Variants in AQP5 observed in about 807,000 individuals in gnomAD.
AQP5 encodes the protein aquaporin 5, also known as aquaporin-5.
A neutral mutation model predicts 19.1 loss-of-function variants in AQP5; 15 were observed. The ratio of observed to expected loss-of-function variants is 0.79; its 90% CI spans 0.53 to 1.21. The LOEUF is 1.21. AQP5 is among the 50% of genes most tolerant of loss of function. The pLI, the probability that AQP5 is intolerant of heterozygous loss-of-function variation, is 0.00. For missense variants in AQP5, 355 were observed against 357.1 expected, an observed-to-expected ratio of 0.99 and a Z score of 0.05; for synonymous variants, 182 against 160.3, an observed-to-expected ratio of 1.14 and a Z score of -1.02.
At chr12:49,963,880 A>G (rs79182494) in intron 2 of AQP5, 1 of 779,924 alleles carries the variant, frequency 1.3e-6, no homozygotes, top group African/African-American at 1.7e-5. Flanking sequence ...TGGGACAGGA[A>G]TCAAACCCAA....
intron 3 of AQP5, 65 bp downstream of exon 3, chr12:49,964,240 A>C: frequency 5.3e-6 from 8 of 1,511,868 alleles, no homozygotes; most frequent in South Asian, 1.1e-5. Flanking sequence ...GTGGCAGCTC[A>C]GAGCTCACCA....
At chr12:49,963,143 G>A (rs147609659) in intron 1 of AQP5, among the ~76,000 whole-genome samples, 25 of 152,370 alleles carry the variant, frequency 1.6e-4, no homozygotes, top group African/African-American at 6.0e-4. Context: ...ACGGGCAGGA[G>A]GCCGGGATGG....
At position 49,961,975 on chromosome 12, in the gene AQP5, C is replaced by A. The variant is rs747010546; in HGVS notation, c.-43C>A. The A allele has an allele frequency of 4.6e-5, 60 of 1,292,380 alleles. No homozygotes were observed. The highest frequency in any genetic ancestry group is 5.6e-5 in the Non-Finnish European group (57 of 1,011,442). The allele number at this position is 1,292,380 out of a possible 1,614,324, so 80.1% of individuals were successfully genotyped here. A position where few individuals can be genotyped will look rare whatever the true frequency, so the allele number is the denominator to read the frequency against. On this transcript the variant is annotated 5_prime_UTR_variant, in exon 1 of 4. Transcript: ENST00000293599. ...CCTCCGCCGCCTGCGACCCAACGGG[C>A]GCCCCCCGCCGCGGCAGCTGCCGCC...
intron 1 of AQP5, among the ~76,000 whole-genome samples, chr12:49,963,217 G>A (rs1029668726): frequency 6.6e-6 from 1 of 152,252 alleles, no homozygotes; most frequent in Non-Finnish European, 1.5e-5. Flanking sequence ...GCTTATGGGG[G>A]CTGGGGGTTG....
chr12:49,962,015 A>C lies in AQP5; in HGVS notation c.-3A>C. On this transcript the variant is annotated 5_prime_UTR_variant, in exon 1 of 4. Transcript: ENST00000293599. ...CAGCTGCCGCCGGGCCCCCGCGGCC[A>C]CCATGAAGAAGGAGGTGTGCTCCGT... is the stretch of plus-strand genomic sequence containing the variant. 2.8e-6 allele frequency: 4 copies of C among 1,408,124 alleles called. No individual in the cohort carries two copies. Among genetic ancestry groups the C allele is most frequent in the Non-Finnish European group, 3.7e-6 (4 of 1,072,950 alleles). The allele number at this position is 1,408,124 out of a possible 1,614,324, so 87.2% of individuals were successfully genotyped here. A position where few individuals can be genotyped will look rare whatever the true frequency, so the allele number is the denominator to read the frequency against.
chr12:49,963,729 G>T (rs775537321), intron 2 of AQP5, 73 bp downstream of exon 2: 6 of 1,541,638 alleles, frequency 3.9e-6, no homozygotes, highest in Middle Eastern at 1.9e-4. Flanking sequence ...GCCCTGGAGC[G>T]GAGCCCACTT....
Position 49,962,308 on chromosome 12 carries a change from C to T in AQP5, c.291C>T (p.Gly97=). The T allele has an allele frequency of 1.9e-6, 3 of 1,607,306 alleles. No individual in the cohort carries two copies. Among genetic ancestry groups the T allele is most frequent in the Non-Finnish European group, 2.5e-6 (3 of 1,179,838 alleles). ...TCTACGTGGCGGCCCAGCTGGTGGGCGCCATTGCCGGGGCTGGCATCCTCT... is the reference window on the plus strand; with the variant it reads ...TCTACGTGGCGGCCCAGCTGGTGGGTGCCATTGCCGGGGCTGGCATCCTCT... ...AFFYVAAQLV[G]AIAGAGILYG... Residue 97 remains glycine, a synonymous_variant, in exon 1 of 4, where the codon GGC becomes GGT. Coordinates refer to ENST00000293599, the MANE Select transcript of AQP5 (RefSeq NM_001651.4).
chr12:49,963,990 C>A (rs1947458514), intron 2 of AQP5, 102 bp from the exon 3 acceptor site: 3 of 1,233,402 alleles, frequency 2.4e-6, no homozygotes, highest in South Asian at 1.3e-5. Flanking sequence ...AGTTTGAGAC[C>A]TGGCTGAGCC....
rs768190786 is a variant in AQP5 at position 49,965,192 on chromosome 12, G to A, written c.*15G>A. ...CCACCCGCTGACCAGTGTCAGGCAG[G>A]GGCCAGCCCCTCAGCCCCTGAGCCA... On this transcript the variant is annotated 3_prime_UTR_variant, in exon 4 of 4. Coordinates refer to ENST00000293599, the MANE Select transcript of AQP5 (RefSeq NM_001651.4). 6.3e-7 allele frequency: 1 copy of A among 1,590,864 alleles called. No individual in the cohort carries two copies. The highest frequency in any genetic ancestry group is 1.8e-5 in the Admixed American group (1 of 56,198).
Position 49,962,227 on chromosome 12 carries a change from C to A in AQP5, c.210C>A (p.Pro70=). Residue 70 remains proline, a synonymous_variant, in exon 1 of 4, where the codon CCC becomes CCA. Coordinates refer to ENST00000293599, the MANE Select transcript of AQP5 (RefSeq NM_001651.4). ...CCGTGAGCGGCGGCCACATCAACCCCGCCATCACCCTGGCCCTCTTGGTGG... is the reference window on the plus strand; with the variant it reads ...CCGTGAGCGGCGGCCACATCAACCCAGCCATCACCCTGGCCCTCTTGGTGG... ...LGPVSGGHIN[P]AITLALLVGN... 1 of 1,606,606 alleles carries A rather than the reference C, an allele frequency of 6.2e-7. No individual in the cohort carries two copies. The highest frequency in any genetic ancestry group is 8.5e-7 in the Non-Finnish European group (1 of 1,179,846).
At chr12:49,963,359 C>A in intron 1 of AQP5, 133 bp from the exon 2 acceptor site, 1 of 1,200,574 alleles carries the variant, frequency 8.3e-7, no homozygotes, top group Non-Finnish European at 1.2e-6. Context: ...TTCGCTGGGG[C>A]GATGTCCACA....
At chr12:49,963,818 TC>T (rs148689555) in intron 2 of AQP5, 162 bp downstream of exon 2, 2 of 1,099,460 alleles carry the variant, frequency 1.8e-6, no homozygotes, top group African/African-American at 1.6e-5. Context: ...CCAGAATTGA[TC>T]CCCCCAAAAC....
Position 49,963,494 on chromosome 12 carries a change from C to T in AQP5, c.366C>T (p.Leu122=), listed in dbSNP as rs767551138. Residue 122 remains leucine, a splice_region_variant and synonymous_variant, in exon 2 of 4, where the codon CTC becomes CTT. Transcript: ENST00000293599. The stretch of plus-strand genomic sequence containing the variant: ...CCTAACCCGCTATCCCCTTGCAGCT[C>T]AACAACAACACAACGCAGGGCCAGG... ...NARGNLAVNA[L]NNNTTQGQAM... is the part of the protein sequence containing the mutation. 1.4e-5 allele frequency: 23 copies of T among 1,613,538 alleles called. No individual in the cohort carries two copies. Among genetic ancestry groups the T allele is most frequent in the Non-Finnish European group, 1.9e-5 (23 of 1,179,896 alleles).
At position 49,962,338 on chromosome 12, in the gene AQP5, T is replaced by A; in HGVS notation, c.321T>A (p.Gly107=). Residue 107 remains glycine, a synonymous_variant, in exon 1 of 4, where the codon GGT becomes GGA. Transcript: ENST00000293599. Reference sequence around the variant, plus strand: ...TTGCCGGGGCTGGCATCCTCTACGGTGTGGCACCGCTCAATGCCCGGGGCA... The same window carrying A: ...TTGCCGGGGCTGGCATCCTCTACGGAGTGGCACCGCTCAATGCCCGGGGCA... ...GAIAGAGILY[G]VAPLNARGNL... The A allele has an allele frequency of 6.2e-7, 1 of 1,600,990 alleles. No individual in the cohort carries two copies. The highest frequency in any genetic ancestry group is 8.5e-7 in the Non-Finnish European group (1 of 1,179,150).
chr12:49,964,698 C>T (rs1253318743), intron 3 of AQP5: 20 of 985,212 alleles, frequency 2.0e-5, no homozygotes, highest in Non-Finnish European at 2.4e-5. Context: ...CACGTGTCCC[C>T]TCTGAAGGTT....
In AQP5 at chr12:49,965,072, C is replaced by A; in HGVS notation, c.693C>A (p.Ser231Arg). ...ACCTGCTCTTCCCCAACTCCCTGAG[C>A]CTGAGTGAGCGTGTGGCCATCATCA... ...YFYLLFPNSL[S>R]LSERVAIIKG... Residue 231 changes from serine (S) to arginine (R), a missense_variant, in exon 4 of 4, where the codon AGC becomes AGA. By Grantham distance (110) the Ser-to-Arg change is moderately radical (BLOSUM62 -1). Transcript: ENST00000293599. 6.2e-7 allele frequency: 1 copy of A among 1,614,056 alleles called. No homozygotes were observed. The highest frequency in any genetic ancestry group is 8.5e-7 in the Non-Finnish European group (1 of 1,180,004).
intron 2 of AQP5, 25 bp downstream of exon 2, chr12:49,963,681 G>C (rs1409574662): frequency 4.4e-6 from 7 of 1,604,482 alleles, no homozygotes; most frequent in Non-Finnish European, 6.0e-6. Context: ...CATTGGGCTG[G>C]GGTGAGGGTG....
chr12:49,964,513 G>C (rs1161503521), intron 3 of AQP5: 1 of 452,526 alleles, frequency 2.2e-6, no homozygotes, highest in Non-Finnish European at 2.9e-6. Flanking sequence ...GGTCCTCTCT[G>C]ATGTTTTATT....
At position 49,965,316 on chromosome 12, in the gene AQP5, TAG is replaced by T. The variant is rs1947478173; in HGVS notation, c.*144_*145del. On this transcript the variant is annotated 3_prime_UTR_variant, in exon 4 of 4. Coordinates refer to ENST00000293599, the MANE Select transcript of AQP5 (RefSeq NM_001651.4). ...GAGCTGGTCACCCTGGCTGCACAGT[TAG>T]AGAGGGGAGAAGGAACCCATGATGG... 3.7e-6 allele frequency: 4 copies of T among 1,079,948 alleles called. No individual in the cohort carries two copies. The highest frequency in any genetic ancestry group is 5.1e-6 in the Non-Finnish European group (4 of 780,184). 66.9% of individuals were successfully genotyped at this position (1,079,948 alleles called of 1,614,324 possible). A position where few individuals can be genotyped will look rare whatever the true frequency, so the allele number is the denominator to read the frequency against.
Sources: allele counts gnomAD v4.1 joint callset (sites outside exome capture counted in the v4.1 genomes callset), GRCh38; gene constraint gnomAD v4.1.1; transcripts MANE v1.5; gene names NCBI Gene and HGNC (gene_info 2026-07-23, HGNC 2026-07-21).